Variants in NDUFA8 observed in about 807,000 individuals in gnomAD.
The protein encoded by NDUFA8 is NADH dehydrogenase [ubiquinone] 1 alpha subcomplex subunit 8.
NDUFA8 carries 16 observed loss-of-function variants against 20.9 expected under a neutral mutation model. The observed-to-expected ratio is 0.77, with a 90% CI of 0.52 to 1.16. NDUFA8 has a LOEUF of 1.16. Ranked by LOEUF, NDUFA8 falls within the 50% of genes most tolerant of loss-of-function variation. The pLI is 0.00. For missense variants in NDUFA8, 202 were observed against 216.4 expected (o/e 0.93, Z 0.42); for synonymous variants, 70 against 76.1 (o/e 0.92, Z 0.41).
Position 122,144,176 on chromosome 9 carries a change from C to A in NDUFA8, c.*65G>T, listed in dbSNP as rs1828862612. On this transcript the variant is annotated 3_prime_UTR_variant, in exon 4 of 4. Transcript: ENST00000373768. Reference sequence around the variant, plus strand: ...AGAACACACTATCAGTCGATGCAAACCGCATGGGCGTTTTCATCAGTCGTT... The same window carrying A: ...AGAACACACTATCAGTCGATGCAAAACGCATGGGCGTTTTCATCAGTCGTT... 3.0e-5 allele frequency: 49 copies of A among 1,611,674 alleles called. 1 individual carries two copies. The Middle Eastern group carries it at 8.7e-4, about 29-fold the overall frequency.
intron 2 of NDUFA8, among the ~76,000 whole-genome samples, chr9:122,150,527 G>A (rs1828978965): frequency 6.7e-6 from 1 of 150,368 alleles, no homozygotes; most frequent in Non-Finnish European, 1.5e-5. Context: ...ATTATTAACT[G>A]ATGAAAATGA....
intron 2 of NDUFA8, among the ~76,000 whole-genome samples, chr9:122,149,637 T>C (rs1564409020): frequency 6.6e-6 from 1 of 152,176 alleles, no homozygotes; most frequent in Middle Eastern, 3.2e-3. Context: ...ATGGAAAAAA[T>C]GCTTTGCAAA....
chr9:122,144,916 T>G (rs1828879754), intron 3 of NDUFA8, among the ~76,000 whole-genome samples: 1 of 152,162 alleles, frequency 6.6e-6, no homozygotes, highest in Non-Finnish European at 1.5e-5. Context: ...AAAGGCTGCA[T>G]GAAGAATGGA....
At chr9:122,135,198 G>A in the NDUFA8 span, among the ~76,000 whole-genome samples, 1 of 152,178 alleles carries the variant, frequency 6.6e-6, no homozygotes, top group Non-Finnish European at 1.5e-5. Context: ...CCTGCTGGGG[G>A]CACTTGTCAG....
At chr9:122,132,935 C>T in the NDUFA8 span, 1 of 456,088 alleles carries the variant, frequency 2.2e-6, no homozygotes, top group Non-Finnish European at 4.4e-6. Context: ...GCTGCAGTGT[C>T]TATTTCTCCA....
intron 2 of NDUFA8, among the ~76,000 whole-genome samples, chr9:122,150,247 A>G (rs375320797): frequency 1.8e-4 from 27 of 151,942 alleles, no homozygotes; most frequent in African/African-American, 6.0e-4. Flanking sequence ...CGTCTCTACT[A>G]AAAATACAAA....
chr9:122,146,522 C>T lies in NDUFA8; in HGVS notation c.381+1590G>A, dbSNP rs1384423208. Among the ~76,000 whole-genome samples the T allele has an allele frequency of 5.3e-5, 8 of 152,172 alleles. No individual in the cohort carries two copies. In the South Asian group the frequency reaches 1.0e-3, roughly 20 times the overall value. On this transcript the variant is annotated intron_variant, in intron 3 of 3. Transcript: ENST00000373768. ...CAAAAAGTATCTGAAAATAATCAAG[C>T]CAGATATAAAAGACAAAAAAATTGC...
chr9:122,134,906 C>G, the NDUFA8 span, among the ~76,000 whole-genome samples: 55 of 152,346 alleles, frequency 3.6e-4, no homozygotes, highest in South Asian at 0.011. Context: ...AGGGCGACTG[C>G]CTGCTGACGT....
In NDUFA8 at chr9:122,148,099, G is replaced by T. The variant is rs1308141060; in HGVS notation, c.381+13C>A. ...GAATCAGAAAGTGAGACCTCCAGCA[G>T]AAGCCTTTTTACCTTTGACAGTTCT... is the stretch of plus-strand genomic sequence containing the variant. On this transcript the variant is annotated intron_variant, in intron 3 of 3. Coordinates refer to ENST00000373768, the MANE Select transcript of NDUFA8 (RefSeq NM_014222.3). 4 of 1,613,792 alleles carry T rather than the reference G, an allele frequency of 2.5e-6. No homozygotes were observed. The highest frequency in any genetic ancestry group is 3.4e-6 in the Non-Finnish European group (4 of 1,180,032).
downstream of NDUFA8, among the ~76,000 whole-genome samples, chr9:122,139,288 G>A (rs115303184): frequency 3.3e-5 from 5 of 152,302 alleles, no homozygotes; most frequent in Middle Eastern, 3.4e-3. Flanking sequence ...CACTCCAGGA[G>A]GAAGCTCAAA....
At chr9:122,134,903 C>T in the NDUFA8 span, among the ~76,000 whole-genome samples, 1 of 152,258 alleles carries the variant, frequency 6.6e-6, no homozygotes, top group Admixed American at 6.5e-5. Flanking sequence ...GAGAGGGCGA[C>T]TGCCTGCTGA....
chr9:122,136,221 C>T, the NDUFA8 span, among the ~76,000 whole-genome samples: 1 of 152,150 alleles, frequency 6.6e-6, no homozygotes, highest in East Asian at 1.9e-4. Flanking sequence ...CACAGCTTAA[C>T]GTACTTGAAT....
chr9:122,149,601 C>G (rs987498658), intron 2 of NDUFA8, among the ~76,000 whole-genome samples: 1 of 152,152 alleles, frequency 6.6e-6, no homozygotes, highest in South Asian at 2.1e-4. Flanking sequence ...AAACATTCCC[C>G]GCTTAAAATG....
chr9:122,133,018 C>T, the NDUFA8 span: 4 of 455,938 alleles, frequency 8.8e-6, no homozygotes, highest in Non-Finnish European at 1.8e-5. Context: ...GCCTCGGGCC[C>T]CTTTCATGCC....
chr9:122,142,223 T>C (rs191950757), downstream of NDUFA8, among the ~76,000 whole-genome samples: 21 of 152,356 alleles, frequency 1.4e-4, no homozygotes, highest in African/African-American at 5.1e-4. Flanking sequence ...GATCTCCATA[T>C]ACACCCATTT....
chr9:122,137,156 A>G, the NDUFA8 span, among the ~76,000 whole-genome samples: 1 of 152,032 alleles, frequency 6.6e-6, no homozygotes, highest in Admixed American at 6.6e-5. Flanking sequence ...AACTTTTAAG[A>G]TCAAAGCCCT....
At chr9:122,147,993 G>T in intron 3 of NDUFA8, 119 bp downstream of exon 3, 4 of 1,203,232 alleles carry the variant, frequency 3.3e-6, no homozygotes, top group Non-Finnish European at 4.9e-6. Flanking sequence ...TAATATGTTT[G>T]GTAAATCTGG....
chr9:122,136,345 C>G, the NDUFA8 span, among the ~76,000 whole-genome samples: 1 of 152,190 alleles, frequency 6.6e-6, no homozygotes, highest in Non-Finnish European at 1.5e-5. Flanking sequence ...AATTTATACT[C>G]CTCCCTGTAG....
chr9:122,148,390 T>G, intron 2 of NDUFA8, 113 bp from the exon 3 acceptor site: 1 of 1,186,838 alleles, frequency 8.4e-7, no homozygotes, highest in Non-Finnish European at 1.3e-6. Context: ...TTGAAAGGTA[T>G]GTGAGTACAT....
Sources: allele counts gnomAD v4.1 joint callset (sites outside exome capture counted in the v4.1 genomes callset), GRCh38; gene constraint gnomAD v4.1.1; transcripts MANE v1.5; gene names NCBI Gene and HGNC (gene_info 2026-07-23, HGNC 2026-07-21).